Variants in GMDS observed in about 807,000 individuals in gnomAD.
The protein encoded by GMDS is GDP-mannose 4,6 dehydratase.
A neutral mutation model predicts 49.9 loss-of-function variants in GMDS; 20 were observed. The ratio of observed to expected loss-of-function variants is 0.40; its 90% CI spans 0.28 to 0.58. The LOEUF (loss-of-function observed/expected upper bound fraction) is 0.58, where lower values mean the gene tolerates loss of function less well. Ranked by LOEUF, GMDS falls within the 20% of genes least tolerant of loss-of-function variation. The probability of loss-of-function intolerance (pLI) is 0.42; values close to 1 mark genes in which losing one functional copy is unlikely to be tolerated. For synonymous variants in GMDS, 177 were observed against 178.6 expected (o/e 0.99, Z 0.07); for missense variants, 362 against 481.4 (o/e 0.75, Z 2.32).
chr6:1,699,616 C>T (rs748280121), intron 9 of GMDS, among the ~76,000 whole-genome samples: 18 of 152,158 alleles, frequency 1.2e-4, no homozygotes, highest in Admixed American at 4.6e-4. Flanking sequence ...ACCCTGACCC[C>T]GCTTCGTCTT....
chr6:2,234,192 T>A (rs1343978080), intron 1 of GMDS, among the ~76,000 whole-genome samples: 1 of 152,186 alleles, frequency 6.6e-6, no homozygotes, highest in Non-Finnish European at 1.5e-5. Flanking sequence ...CTAAGTCCTT[T>A]TATTCTCCTC....
chr6:1,837,364 A>C (rs542916659), intron 7 of GMDS, among the ~76,000 whole-genome samples: 4 of 152,352 alleles, frequency 2.6e-5, no homozygotes, highest in Admixed American at 2.6e-4. Context: ...ATAAAATTAC[A>C]GAAATGTGGT....
intron 9 of GMDS, among the ~76,000 whole-genome samples, chr6:1,648,842 G>C (rs1763562975): frequency 6.6e-6 from 1 of 152,240 alleles, no homozygotes; most frequent in African/African-American, 2.4e-5. Flanking sequence ...TTCTCCACTA[G>C]CTGTCCCAGA....
At chr6:1,730,717 G>A (rs1270536538) in intron 8 of GMDS, among the ~76,000 whole-genome samples, 1 of 152,032 alleles carries the variant, frequency 6.6e-6, no homozygotes, top group Non-Finnish European at 1.5e-5. Flanking sequence ...GGCTCCTCTG[G>A]GCATCAGAGA....
intron 7 of GMDS, among the ~76,000 whole-genome samples, chr6:1,900,470 T>C (rs1760446158): frequency 6.6e-6 from 1 of 152,218 alleles, no homozygotes; most frequent in South Asian, 2.1e-4. Flanking sequence ...AAAAATGTGT[T>C]GATAAAGAGC....
At chr6:1,651,099 T>C (rs1194026083) in intron 9 of GMDS, among the ~76,000 whole-genome samples, 2 of 152,196 alleles carry the variant, frequency 1.3e-5, no homozygotes, top group Admixed American at 6.5e-5. Flanking sequence ...CCTGAGTGGG[T>C]GCACCTGCCC....
intron 4 of GMDS, among the ~76,000 whole-genome samples, chr6:1,966,589 G>A (rs924140148): frequency 2.6e-5 from 4 of 151,958 alleles, no homozygotes; most frequent in South Asian, 2.1e-4. Flanking sequence ...TTTTCTCCCC[G>A]ACCCACCCTC....
At chr6:1,954,987 G>A (rs1479155417) in intron 6 of GMDS, among the ~76,000 whole-genome samples, 1 of 151,962 alleles carries the variant, frequency 6.6e-6, no homozygotes, top group East Asian at 1.9e-4. Flanking sequence ...AAAGATCACT[G>A]ATCACAGATC....
At chr6:2,067,599 C>G (rs1257114425) in intron 4 of GMDS, among the ~76,000 whole-genome samples, 7 of 151,998 alleles carry the variant, frequency 4.6e-5, no homozygotes, top group African/African-American at 7.2e-5. Flanking sequence ...ACCGATCCCA[C>G]AGAAATACAA....
chr6:1,942,047 G>A (rs1001710036), intron 6 of GMDS, among the ~76,000 whole-genome samples: 3 of 152,152 alleles, frequency 2.0e-5, no homozygotes, highest in African/African-American at 2.4e-5. Context: ...AGCTAAGCTC[G>A]TGCTGCCTGG....
At chr6:1,976,805 T>C (rs1338210891) in intron 4 of GMDS, among the ~76,000 whole-genome samples, 1 of 152,256 alleles carries the variant, frequency 6.6e-6, no homozygotes, top group Non-Finnish European at 1.5e-5. Flanking sequence ...ACATGAATGC[T>C]GTGTTTTCAA....
At chr6:1,811,840 C>G (rs1770443988) in intron 7 of GMDS, among the ~76,000 whole-genome samples, 1 of 152,188 alleles carries the variant, frequency 6.6e-6, no homozygotes, top group African/African-American at 2.4e-5. Context: ...CCACAGAATT[C>G]TCTTGGGCTA....
chr6:2,121,399 C>T (rs1054719283), intron 2 of GMDS, among the ~76,000 whole-genome samples: 3 of 152,170 alleles, frequency 2.0e-5, no homozygotes, highest in African/African-American at 7.2e-5. Flanking sequence ...TCATGCTCTC[C>T]TTAACATTTA....
chr6:2,245,102 C>T (rs904144954), intron 1 of GMDS, among the ~76,000 whole-genome samples: 6 of 152,212 alleles, frequency 3.9e-5, no homozygotes, highest in Non-Finnish European at 7.3e-5. Flanking sequence ...ACGCTCACAG[C>T]CCCCAGAGAA....
intron 4 of GMDS, among the ~76,000 whole-genome samples, chr6:1,985,990 A>T (rs1206873047): frequency 6.6e-6 from 1 of 152,222 alleles, no homozygotes; most frequent in African/African-American, 2.4e-5. Context: ...CAGCTTCAAG[A>T]TGCACAAACC....
chr6:2,182,325 T>C (rs1441337247), intron 1 of GMDS, among the ~76,000 whole-genome samples: 3 of 152,220 alleles, frequency 2.0e-5, no homozygotes, highest in South Asian at 2.1e-4. Context: ...CAAGTGCTGA[T>C]AGAGAAGCTA....
At chr6:1,971,085 A>T (rs1360348835) in intron 4 of GMDS, among the ~76,000 whole-genome samples, 1 of 152,106 alleles carries the variant, frequency 6.6e-6, no homozygotes, top group African/African-American at 2.4e-5. Flanking sequence ...AAAAGGAGAG[A>T]TAAATGCACC....
At chr6:2,128,972 A>G (rs1775593177) in intron 1 of GMDS, among the ~76,000 whole-genome samples, 1 of 152,200 alleles carries the variant, frequency 6.6e-6, no homozygotes, top group Non-Finnish European at 1.5e-5. Context: ...TTTGGGGCCA[A>G]AGGGCAGGGC....
chr6:1,975,829 C>T lies in GMDS; in HGVS notation c.346-14863G>A, dbSNP rs145752244. ...TCCTCAGTTTCCTAAAGACACCAGG[C>T]TTTGGTTTGACACTAACAAGCCAAG... On this transcript the variant is annotated intron_variant, in intron 4 of 10. Coordinates refer to ENST00000380815, the MANE Select transcript of GMDS (RefSeq NM_001500.4). 3.9e-4 allele frequency among the ~76,000 whole-genome samples: 60 copies of T among 152,256 alleles called. No homozygotes were observed. In the East Asian group the frequency reaches 9.3e-3, roughly 24 times the overall value.
Sources: allele counts gnomAD v4.1 joint callset (sites outside exome capture counted in the v4.1 genomes callset), GRCh38; gene constraint gnomAD v4.1.1; transcripts MANE v1.5; gene names NCBI Gene and HGNC (gene_info 2026-07-23, HGNC 2026-07-21).